The following COP1 variants were observed in gnomAD, a reference collection of about 807,000 sequenced individuals.
COP1 encodes the protein COP1 E3 ubiquitin ligase.
Under a neutral mutation model 101.3 loss-of-function variants are expected in COP1, and 24 were observed. The observed-to-expected ratio is 0.24, with a 90% confidence interval of 0.17 to 0.33. The LOEUF (loss-of-function observed/expected upper bound fraction) is 0.33, where lower values mean the gene tolerates loss of function less well. COP1 is among the 10% of genes least tolerant of loss of function. COP1 has a pLI of 1.00. For missense variants in COP1, 663 were observed against 906.2 expected, an observed-to-expected ratio of 0.73 and a Z score of 3.45; for synonymous variants, 347 against 341.9, an observed-to-expected ratio of 1.01 and a Z score of -0.17.
intron 14 of COP1, among the ~76,000 whole-genome samples, chr1:176,034,812 A>G (rs1290206180): frequency 1.3e-5 from 2 of 152,240 alleles, no homozygotes; most frequent in African/African-American, 4.8e-5. Flanking sequence ...GGCATTAGGC[A>G]GACTCAAAGT....
At chr1:175,953,865 G>A (rs1046239356) in intron 18 of COP1, among the ~76,000 whole-genome samples, 2 of 150,486 alleles carry the variant, frequency 1.3e-5, no homozygotes, top group Non-Finnish European at 3.0e-5. Context: ...ACTTTTAACA[G>A]TCACCTTTCA....
At chr1:176,205,257 A>G (rs897516880) in intron 1 of COP1, among the ~76,000 whole-genome samples, 1 of 152,222 alleles carries the variant, frequency 6.6e-6, no homozygotes, top group African/African-American at 2.4e-5. Flanking sequence ...AACACTTCTC[A>G]GCCCCAACCA....
chr1:176,051,155 T>C (rs1466063246), intron 11 of COP1, among the ~76,000 whole-genome samples: 3 of 152,114 alleles, frequency 2.0e-5, no homozygotes, highest in Admixed American at 6.6e-5. Context: ...AAAATATTGA[T>C]AGAGGAATTC....
chr1:176,030,110 C>A (rs1486338793), intron 14 of COP1, among the ~76,000 whole-genome samples: 3 of 152,048 alleles, frequency 2.0e-5, no homozygotes, highest in Non-Finnish European at 4.4e-5. Flanking sequence ...CACCACCACG[C>A]CTGGCTAATA....
intron 15 of COP1, among the ~76,000 whole-genome samples, chr1:176,015,988 T>A (rs942559817): frequency 6.6e-6 from 1 of 152,154 alleles, no homozygotes; most frequent in Non-Finnish European, 1.5e-5. Context: ...ACGTGAAGAA[T>A]GAGATACATG....
intron 1 of COP1, among the ~76,000 whole-genome samples, chr1:176,190,159 G>A (rs1204759906): frequency 6.6e-6 from 1 of 152,094 alleles, no homozygotes; most frequent in African/African-American, 2.4e-5. Flanking sequence ...GACCAGAAGT[G>A]TTTCAGATTC....
intron 15 of COP1, chr1:176,017,462 C>T (rs1665862301): frequency 6.6e-6 from 1 of 152,128 alleles, no homozygotes; most frequent in Non-Finnish European, 1.5e-5. Flanking sequence ...AAATTTTGAC[C>T]ATTTAAACAT....
chr1:176,149,841 AAATAAC>A (rs1392340695), intron 5 of COP1, among the ~76,000 whole-genome samples: 1 of 152,098 alleles, frequency 6.6e-6, no homozygotes, highest in Non-Finnish European at 1.5e-5. Context: ...GCTAAAAATA[AAATAAC>A]AATAAGAGAC....
chr1:176,059,297 TTGTA>T (rs1674429866), intron 11 of COP1, among the ~76,000 whole-genome samples: 1 of 152,164 alleles, frequency 6.6e-6, no homozygotes, highest in African/African-American at 2.4e-5. Context: ...AAAATTATCT[TTGTA>T]TGGCAATAAA....
At chr1:176,169,905 T>C (rs1243090455) in intron 3 of COP1, among the ~76,000 whole-genome samples, 4 of 152,270 alleles carry the variant, frequency 2.6e-5, no homozygotes, top group African/African-American at 9.6e-5. Context: ...TGAAGCCCTC[T>C]TGCTGCTTTA....
chr1:176,155,687 T>C (rs2149882173), intron 5 of COP1, among the ~76,000 whole-genome samples: 1 of 151,768 alleles, frequency 6.6e-6, no homozygotes, highest in East Asian at 1.9e-4. Flanking sequence ...AGAATAAATA[T>C]AAAAATAATA....
chr1:176,179,458 G>A (rs1697436151), intron 2 of COP1, among the ~76,000 whole-genome samples: 1 of 152,184 alleles, frequency 6.6e-6, no homozygotes, highest in South Asian at 2.1e-4. Flanking sequence ...TGTTAGGCTG[G>A]GTGCAGTGGC....
At chr1:175,968,708 G>A (rs765976649) in intron 18 of COP1, among the ~76,000 whole-genome samples, 21 of 152,138 alleles carry the variant, frequency 1.4e-4, no homozygotes, top group Non-Finnish European at 2.2e-4. Flanking sequence ...CCTTATTCAG[G>A]GAGAAAAGGC....
chr1:175,958,481 C>G (rs934541269), intron 18 of COP1, among the ~76,000 whole-genome samples: 1 of 151,946 alleles, frequency 6.6e-6, no homozygotes, highest in Non-Finnish European at 1.5e-5. Flanking sequence ...TCCTCTCTCC[C>G]TGTTCAATAT....
intron 18 of COP1, among the ~76,000 whole-genome samples, chr1:175,972,501 T>C (rs1653486307): frequency 6.8e-6 from 1 of 147,980 alleles, no homozygotes; most frequent in Admixed American, 6.8e-5. Context: ...AGTCTGGCTG[T>C]GTTGCCAGAA....
chr1:175,958,963 G>T (rs555940879), intron 18 of COP1, among the ~76,000 whole-genome samples: 42 of 151,950 alleles, frequency 2.8e-4, no homozygotes, highest in African/African-American at 8.7e-4. Context: ...TTTGCTTTAT[G>T]AAGTTAATAT....
chr1:176,183,652 C>A (rs1005286571), intron 2 of COP1, among the ~76,000 whole-genome samples: 7 of 152,142 alleles, frequency 4.6e-5, no homozygotes, highest in Non-Finnish European at 1.0e-4. Context: ...TGTTTGTACA[C>A]CCATGTTCAC....
At chr1:176,128,713 T>A (rs912203137) in intron 8 of COP1, among the ~76,000 whole-genome samples, 3 of 152,014 alleles carry the variant, frequency 2.0e-5, no homozygotes, top group African/African-American at 4.8e-5. Flanking sequence ...TCCTGTATTG[T>A]CATAATCTTC....
intron 14 of COP1, among the ~76,000 whole-genome samples, chr1:176,028,338 C>T (rs1191452532): frequency 6.6e-6 from 1 of 151,766 alleles, no homozygotes; most frequent in Non-Finnish European, 1.5e-5. Flanking sequence ...GCTGAGGCAG[C>T]AGATCACTTG....
Sources: allele counts gnomAD v4.1 joint callset (sites outside exome capture counted in the v4.1 genomes callset), GRCh38; gene constraint gnomAD v4.1.1; transcripts MANE v1.5; gene names NCBI Gene and HGNC (gene_info 2026-07-23, HGNC 2026-07-21).